GAK: variants seen among roughly 807,000 people sequenced by gnomAD.
GAK encodes the protein cyclin G associated kinase.
GAK carries 79 observed loss-of-function variants against 143.9 expected under a neutral mutation model. That is an observed-to-expected ratio of 0.55 (90% CI 0.46 to 0.66). The LOEUF is 0.66. GAK is among the 30% of genes least tolerant of loss of function. GAK has a pLI of 0.00. For synonymous variants in GAK, 881 were observed against 765.5 expected, an observed-to-expected ratio of 1.15 and a Z score of -2.49; for missense variants, 1,693 against 1,779.7, an observed-to-expected ratio of 0.95 and a Z score of 0.88.
rs532563697 is a variant in GAK at position 893,908 on chromosome 4, G to C, written c.843C>G (p.His281Gln). The C allele has an allele frequency of 1.2e-6, 2 of 1,611,136 alleles. No homozygotes were observed. The highest frequency in any genetic ancestry group is 2.7e-5 in the African/African-American group (2 of 74,926). ...IVNGKYSIPP[H>Q]DTQYTVFHSL... ...TGTGGAAGACCGTGTACTGCGTGTC[G>C]TGCGGGGGGATCGAGTACTTCCCAT... Residue 281 changes from histidine (H) to glutamine (Q), a missense_variant, in exon 8 of 28, where the codon CAC becomes CAG. By Grantham distance (24) the His-to-Gln change is conservative. Coordinates refer to ENST00000314167, the MANE Select transcript of GAK (RefSeq NM_005255.4).
At chr4:864,703 C>T (rs1006775822) in intron 23 of GAK, among the ~76,000 whole-genome samples, 3 of 152,186 alleles carry the variant, frequency 2.0e-5, no homozygotes, top group East Asian at 3.9e-4. Flanking sequence ...GCCGCAACAC[C>T]GAGACAAGAC....
intron 4 of GAK, among the ~76,000 whole-genome samples, chr4:907,250 A>AG (rs1721249143): frequency 6.6e-6 from 1 of 152,140 alleles, no homozygotes; most frequent in South Asian, 2.1e-4. Flanking sequence ...CACCCAGCTG[A>AG]GGGGCCCTCC....
chr4:866,858 C>T, intron 21 of GAK, 98 bp downstream of exon 21: 1 of 966,684 alleles, frequency 1.0e-6, no homozygotes, highest in South Asian at 1.8e-5. Flanking sequence ...CGTTCCCTTC[C>T]TGCAAGCACC....
chr4:850,541 C>T lies in GAK; in HGVS notation c.3657+395G>A, dbSNP rs370326748. On this transcript the variant is annotated intron_variant, in intron 26 of 27. Coordinates refer to ENST00000314167, the MANE Select transcript of GAK (RefSeq NM_005255.4). ...CGCTGCATCCTCACCCCCCAGTGAGCGTCCTGGGTTGGGAGGCTCAGTACC... is the reference window on the plus strand; with the variant it reads ...CGCTGCATCCTCACCCCCCAGTGAGTGTCCTGGGTTGGGAGGCTCAGTACC... 61 of 189,628 alleles carry T rather than the reference C, an allele frequency of 3.2e-4. 1 individual carries two copies. In the South Asian group the frequency reaches 6.2e-3, roughly 19 times the overall value. 11.7% of individuals were successfully genotyped at this position (189,628 alleles called of 1,614,324 possible).
At chr4:885,230 C>T (rs1298349874) in intron 11 of GAK, among the ~76,000 whole-genome samples, 1 of 152,210 alleles carries the variant, frequency 6.6e-6, no homozygotes, top group Non-Finnish European at 1.5e-5. Flanking sequence ...AAGAGACAAA[C>T]AGGCCACACA....
intron 7 of GAK, among the ~76,000 whole-genome samples, chr4:895,163 C>T (rs1018645536): frequency 6.6e-6 from 1 of 152,208 alleles, no homozygotes; most frequent in African/African-American, 2.4e-5. Flanking sequence ...CTTTTCAGAA[C>T]TGACCCCATA....
intron 12 of GAK, 134 bp from the exon 13 acceptor site, chr4:883,597 G>T: frequency 1.0e-6 from 1 of 995,420 alleles, no homozygotes; most frequent in Non-Finnish European, 1.5e-6. Context: ...TGCCCACACA[G>T]CCGGCCCCCT....
chr4:857,962 C>A (rs1196789894), intron 24 of GAK, among the ~76,000 whole-genome samples: 1 of 152,172 alleles, frequency 6.6e-6, no homozygotes, highest in South Asian at 2.1e-4. Flanking sequence ...TCACTCAGCT[C>A]CACGCATCGT....
At chr4:863,247 G>A (rs1577066714) in intron 23 of GAK, among the ~76,000 whole-genome samples, 1 of 152,234 alleles carries the variant, frequency 6.6e-6, no homozygotes, top group African/African-American at 2.4e-5. Context: ...AGTGGAGCCT[G>A]CAGATGGGAC....
chr4:900,013 C>T (rs1313395014), intron 5 of GAK, among the ~76,000 whole-genome samples: 1 of 152,258 alleles, frequency 6.6e-6, no homozygotes, highest in Admixed American at 6.5e-5. Flanking sequence ...GCGAGGCTCC[C>T]CTCACAGGAC....
At chr4:877,948 T>C in intron 15 of GAK, 139 bp from the exon 16 acceptor site, 1 of 638,962 alleles carries the variant, frequency 1.6e-6, no homozygotes, top group Non-Finnish European at 2.6e-6. Flanking sequence ...ACAAATCTGA[T>C]GTTATAATTT....
intron 5 of GAK, among the ~76,000 whole-genome samples, chr4:898,548 G>A (rs1188321803): frequency 6.6e-6 from 1 of 152,240 alleles, no homozygotes. Flanking sequence ...ATAAATCAAA[G>A]AAAGATAATC....
intron 7 of GAK, 110 bp from the exon 8 acceptor site, chr4:894,119 G>C: frequency 7.7e-7 from 1 of 1,292,408 alleles, no homozygotes; most frequent in South Asian, 1.6e-5. Flanking sequence ...ATGCAGGGGT[G>C]ACATCGGAGC....
Position 873,011 on chromosome 4 carries a change from G to T in GAK, c.2055-2107C>A, listed in dbSNP as rs751150607. Among the ~76,000 whole-genome samples the T allele has an allele frequency of 3.9e-5, 6 of 152,246 alleles. No individual in the cohort carries two copies. The Middle Eastern group carries it at 0.01, about 259-fold the overall frequency. On this transcript the variant is annotated intron_variant, in intron 18 of 27. Coordinates refer to ENST00000314167, the MANE Select transcript of GAK (RefSeq NM_005255.4). ...TCACCACGCAGGGAACACGCCTCTCGCCCAGGCACGGCGCAGGCTCACCAC... is the reference window on the plus strand; with the variant it reads ...TCACCACGCAGGGAACACGCCTCTCTCCCAGGCACGGCGCAGGCTCACCAC...
intron 1 of GAK, among the ~76,000 whole-genome samples, chr4:918,639 C>T (rs1723421839): frequency 6.6e-6 from 1 of 152,212 alleles, no homozygotes; most frequent in Non-Finnish European, 1.5e-5. Context: ...GCGTACATGA[C>T]AAAGACATCA....
intron 1 of GAK, among the ~76,000 whole-genome samples, chr4:926,380 G>A (rs1265771004): frequency 1.3e-5 from 2 of 152,188 alleles, no homozygotes; most frequent in African/African-American, 2.4e-5. Flanking sequence ...AGGGCACAAT[G>A]CGCAGAGCAA....
chr4:856,390 C>CAG (rs1749204084), intron 24 of GAK, among the ~76,000 whole-genome samples: 1 of 77,882 alleles, frequency 1.3e-5, no homozygotes, highest in Non-Finnish European at 2.7e-5. Flanking sequence ...GCTGCTCACA[C>CAG]CTGCTCACCA....
intron 7 of GAK, among the ~76,000 whole-genome samples, chr4:895,035 C>T (rs556872811): frequency 3.3e-5 from 5 of 151,804 alleles, no homozygotes; most frequent in Admixed American, 1.3e-4. Context: ...TTCAAAATTC[C>T]GGGGTTCCCA....
rs370673651 is a variant in GAK, at chr4:890,514, A to G, written c.1081+18T>C. On this transcript the variant is annotated intron_variant, in intron 10 of 27. Coordinates refer to ENST00000314167, the MANE Select transcript of GAK (RefSeq NM_005255.4). ...CAGGAGCGAGGGACAGGTGGCGGGCACAGGACAGGGCACTCACCTCCACTG... is the reference window on the plus strand; with the variant it reads ...CAGGAGCGAGGGACAGGTGGCGGGCGCAGGACAGGGCACTCACCTCCACTG... 2 of 1,581,990 alleles carry G rather than the reference A, an allele frequency of 1.3e-6. No homozygotes were observed. Among genetic ancestry groups the G allele is most frequent in the Non-Finnish European group, 1.7e-6 (2 of 1,160,898 alleles).
Sources: gnomAD v4.1 joint callset for allele counts (sites outside exome capture counted in the v4.1 genomes callset) on GRCh38, gnomAD v4.1.1 for gene constraint, MANE v1.5 for transcripts, NCBI Gene and HGNC (gene_info 2026-07-23, HGNC 2026-07-21) for gene names.